PCDH15: variants seen among roughly 807,000 people sequenced by gnomAD.
PCDH15 encodes the protein protocadherin-15.
A neutral mutation model predicts 178.5 loss-of-function variants in PCDH15; 129 were observed. The observed-to-expected ratio is 0.72, with a 90% CI of 0.63 to 0.84. The LOEUF (loss-of-function observed/expected upper bound fraction) is 0.84, where lower values mean the gene tolerates loss of function less well. PCDH15 is among the 40% of genes least tolerant of loss of function. The probability of loss-of-function intolerance (pLI) is 0.00; values close to 1 mark genes in which losing one functional copy is unlikely to be tolerated. For missense variants in PCDH15, 2,230 were observed against 2,099.9 expected, an observed-to-expected ratio of 1.06 and a Z score of -1.21; for synonymous variants, 800 against 732.0, an observed-to-expected ratio of 1.09 and a Z score of -1.50.
intron 2 of PCDH15, among the ~76,000 whole-genome samples, chr10:54,594,138 G>A (rs1444876118): frequency 6.6e-6 from 1 of 152,120 alleles, no homozygotes; most frequent in Non-Finnish European, 1.5e-5. Context: ...CTCACCATGA[G>A]CCTCTGGAAT....
intron 7 of PCDH15, among the ~76,000 whole-genome samples, chr10:54,327,898 C>A (rs896842694): frequency 6.6e-6 from 1 of 152,000 alleles, no homozygotes; most frequent in South Asian, 2.1e-4. Flanking sequence ...TGTCTCCACA[C>A]GTGCACATCC....
chr10:54,084,098 T>G (rs2094478221), intron 16 of PCDH15, among the ~76,000 whole-genome samples: 1 of 151,550 alleles, frequency 6.6e-6, no homozygotes, highest in South Asian at 2.1e-4. Flanking sequence ...TTTTTTTTAT[T>G]TTTTTGAGAC....
At chr10:54,588,721 G>T (rs1052618392) in intron 2 of PCDH15, among the ~76,000 whole-genome samples, 1 of 152,006 alleles carries the variant, frequency 6.6e-6, no homozygotes, top group Non-Finnish European at 1.5e-5. Context: ...GACTACAGTT[G>T]CATGTGACCA....
chr10:54,389,632 T>C (rs1322630034), intron 3 of PCDH15, among the ~76,000 whole-genome samples: 2 of 152,122 alleles, frequency 1.3e-5, no homozygotes, highest in East Asian at 1.9e-4. Context: ...ATTTCAGCAA[T>C]CTGTGTTTAA....
intron 2 of PCDH15, among the ~76,000 whole-genome samples, chr10:55,037,668 G>A (rs1023843011): frequency 2.0e-5 from 3 of 152,148 alleles, no homozygotes; most frequent in African/African-American, 7.2e-5. Context: ...AGAAAGTTCT[G>A]TTTCTGAAGA....
intron 10 of PCDH15, among the ~76,000 whole-genome samples, chr10:54,205,532 G>A (rs7474638): frequency 0.9 from 133,968 of 149,092 alleles, 60,360 homozygotes; most frequent in East Asian, 0.98. Flanking sequence ...GTCTTAGGGA[G>A]GGATGACTGT....
chr10:55,291,532 G>T (rs138686379), intron 1 of PCDH15, among the ~76,000 whole-genome samples: 3 of 152,262 alleles, frequency 2.0e-5, no homozygotes, highest in Admixed American at 6.5e-5. Context: ...TGTTAATTTT[G>T]CCAAAAGATT....
At chr10:55,491,510 G>C (rs1352739175) in intron 2 of PCDH15, among the ~76,000 whole-genome samples, 1 of 151,584 alleles carries the variant, frequency 6.6e-6, no homozygotes, top group Non-Finnish European at 1.5e-5. Context: ...CCTAGTTAGT[G>C]GGGAGTAATT....
chr10:54,801,830 A>C (rs778025535), upstream of PCDH15, among the ~76,000 whole-genome samples: 4 of 152,270 alleles, frequency 2.6e-5, no homozygotes, highest in Non-Finnish European at 5.9e-5. Flanking sequence ...TATACTATAC[A>C]AAACATTATA....
chr10:54,493,744 G>A (rs1011326824), intron 3 of PCDH15, among the ~76,000 whole-genome samples: 1 of 152,074 alleles, frequency 6.6e-6, no homozygotes. Context: ...TGGGTATATA[G>A]CAAAGGACTA....
intron 2 of PCDH15, among the ~76,000 whole-genome samples, chr10:54,539,937 A>T (rs778540853): frequency 6.6e-6 from 1 of 152,164 alleles, no homozygotes; most frequent in South Asian, 2.1e-4. Flanking sequence ...AATTTTAAAA[A>T]ATTCTTTTAA....
chr10:55,027,021 G>T (rs568419222), intron 2 of PCDH15, among the ~76,000 whole-genome samples: 1 of 152,028 alleles, frequency 6.6e-6, no homozygotes, highest in South Asian at 2.1e-4. Flanking sequence ...TGCATTTGGA[G>T]CATAAGAGAA....
intron 2 of PCDH15, among the ~76,000 whole-genome samples, chr10:55,374,339 G>T (rs1295915918): frequency 2.0e-5 from 3 of 152,090 alleles, no homozygotes; most frequent in Non-Finnish European, 4.4e-5. Context: ...TGGCCATGGA[G>T]GACTGACACC....
chr10:54,611,661 G>C (rs1280308899), intron 2 of PCDH15, among the ~76,000 whole-genome samples: 2 of 151,772 alleles, frequency 1.3e-5, no homozygotes, highest in African/African-American at 2.4e-5. Context: ...AAATATAAGA[G>C]AGCAACCAAA....
At chr10:53,985,399 T>C (rs1458359438) in intron 21 of PCDH15, among the ~76,000 whole-genome samples, 1 of 152,192 alleles carries the variant, frequency 6.6e-6, no homozygotes, top group Non-Finnish European at 1.5e-5. Flanking sequence ...GTTCATAATA[T>C]GACATACAAT....
chr10:55,578,696 G>A (rs976262337), intron 2 of PCDH15, among the ~76,000 whole-genome samples: 1 of 152,112 alleles, frequency 6.6e-6, no homozygotes, highest in Admixed American at 6.6e-5. Context: ...AAAGGAAAGA[G>A]GTCTAATTGA....
chr10:54,628,632 T>C (rs1362083588), intron 2 of PCDH15, among the ~76,000 whole-genome samples: 3 of 152,164 alleles, frequency 2.0e-5, no homozygotes, highest in Non-Finnish European at 2.9e-5. Flanking sequence ...GATTAATTAC[T>C]TTAGGTCTTT....
intron 21 of PCDH15, chr10:53,994,946 T>C (rs887410725): frequency 6.6e-6 from 1 of 152,092 alleles, no homozygotes; most frequent in Non-Finnish European, 1.5e-5. Flanking sequence ...TAACTTTTAT[T>C]TGTATTTTTC....
rs1181896585 is a variant in PCDH15 at position 53,831,379 on chromosome 10, G to C, written c.4138C>G (p.Leu1380Val). The change falls in exon 30 of 38, where the codon CTG becomes GTG. Residue 1380 changes from leucine to valine, a missense_variant. Transcript: ENST00000644397. The part of the protein sequence containing the change: ...LGYTEGALLA[L>V]AFIIILCCIP... ...CAGCAGAGGATGATGATGAAGGCCA[G>C]AGCCAACAAGGCCCCTTCTGTGTAT... The C allele has an allele frequency of 1.2e-6, 2 of 1,613,936 alleles. No homozygotes were observed. The highest frequency in any genetic ancestry group is 3.3e-5 in the Admixed American group (2 of 59,978).
Sources: gnomAD v4.1 joint callset for allele counts (sites outside exome capture counted in the v4.1 genomes callset) on GRCh38, gnomAD v4.1.1 for gene constraint, MANE v1.5 for transcripts, NCBI Gene and HGNC (gene_info 2026-07-23, HGNC 2026-07-21) for gene names.